The following KCTD9 variants were observed in gnomAD, a reference collection of about 807,000 sequenced individuals.
KCTD9 encodes the protein BTB/POZ domain-containing protein KCTD9.
Under a neutral mutation model 53.3 loss-of-function variants are expected in KCTD9, and 17 were observed. The observed-to-expected ratio is 0.32, with a 90% CI of 0.22 to 0.48. The LOEUF (loss-of-function observed/expected upper bound fraction) is 0.48, where lower values mean the gene tolerates loss of function less well. KCTD9 is among the 20% of genes least tolerant of loss of function. The pLI is 0.99. For missense variants in KCTD9, 179 were observed against 465.5 expected (o/e 0.38, Z 5.66); for synonymous variants, 128 against 162.7 (o/e 0.79, Z 1.62).
intron 4 of KCTD9, among the ~76,000 whole-genome samples, chr8:25,440,180 T>C (rs796397651): frequency 1.4e-4 from 21 of 149,870 alleles, no homozygotes; most frequent in African/African-American, 4.9e-4. Flanking sequence ...TGCCTCAGCC[T>C]CCCAAGTAGC....
In KCTD9 at chr8:25,427,896, T is replaced by C. The variant is rs191310765; in HGVS notation, c.*1961A>G. ...TGGTACTTTCAAAAAGACTAATCCA[T>C]AACAAATTAAGTTATACTGTATTTC... On this transcript the variant is annotated 3_prime_UTR_variant, in exon 12 of 12. Coordinates refer to ENST00000221200, the MANE Select transcript of KCTD9 (RefSeq NM_017634.4). 8.5e-5 allele frequency: 13 copies of C among 152,308 alleles called. No individual in the cohort carries two copies. In the East Asian group the frequency reaches 2.5e-3, roughly 29 times the overall value. The allele number at this position is 152,308 out of a possible 1,614,324, so 9.4% of individuals were successfully genotyped here. A position where few individuals can be genotyped will look rare whatever the true frequency, so the allele number is the denominator to read the frequency against.
chr8:25,430,981 C>T (rs1801917933), intron 11 of KCTD9, among the ~76,000 whole-genome samples: 1 of 152,074 alleles, frequency 6.6e-6, no homozygotes, highest in Non-Finnish European at 1.5e-5. Flanking sequence ...AGGCACTCAC[C>T]ACCACGCCTG....
chr8:25,437,235 G>A (rs1427729839), intron 6 of KCTD9, among the ~76,000 whole-genome samples: 3 of 152,216 alleles, frequency 2.0e-5, no homozygotes, highest in Middle Eastern at 3.4e-3. Context: ...ATCCCTGGTG[G>A]AAACTCAACA....
intron 10 of KCTD9, 39 bp downstream of exon 10, chr8:25,433,291 C>A: frequency 8.5e-7 from 1 of 1,172,168 alleles, no homozygotes. Flanking sequence ...TTACAGTCTG[C>A]TTCCTTCGTA....
At chr8:25,457,047 A>G (rs564545243) in intron 1 of KCTD9, among the ~76,000 whole-genome samples, 1 of 152,330 alleles carries the variant, frequency 6.6e-6, no homozygotes, top group African/African-American at 2.4e-5. Context: ...ATGATAACTC[A>G]AGAACTCGAA....
intron 1 of KCTD9, among the ~76,000 whole-genome samples, chr8:25,452,014 T>A (rs931764585): frequency 6.6e-6 from 1 of 152,190 alleles, no homozygotes; most frequent in African/African-American, 2.4e-5. Flanking sequence ...AAAGTTGTTA[T>A]GATAAATACA....
intron 1 of KCTD9, among the ~76,000 whole-genome samples, chr8:25,454,866 C>T (rs1181453734): frequency 1.3e-5 from 2 of 152,228 alleles, no homozygotes; most frequent in African/African-American, 2.4e-5. Context: ...GAATTAGCCA[C>T]TAAGAATCTC....
chr8:25,453,589 G>A (rs560597662), intron 1 of KCTD9, among the ~76,000 whole-genome samples: 61 of 150,936 alleles, frequency 4.0e-4, no homozygotes, highest in Non-Finnish European at 5.7e-4. Flanking sequence ...GGAGGCGGAG[G>A]TTGTATTGAG....
intron 3 of KCTD9, among the ~76,000 whole-genome samples, chr8:25,443,992 A>G (rs1450971282): frequency 1.3e-5 from 2 of 152,148 alleles, no homozygotes; most frequent in Admixed American, 6.5e-5. Flanking sequence ...CAAAGAAAAA[A>G]TTTTCAAACA....
chr8:25,442,754 A>C (rs1802146157), intron 3 of KCTD9, among the ~76,000 whole-genome samples: 1 of 152,212 alleles, frequency 6.6e-6, no homozygotes. Flanking sequence ...GAAACAATAC[A>C]ATTATTTTTA....
chr8:25,450,372 T>A, intron 1 of KCTD9: 1 of 985,306 alleles, frequency 1.0e-6, no homozygotes, highest in Non-Finnish European at 1.2e-6. Context: ...GTTCAAATGG[T>A]ACATTACCTG....
At chr8:25,448,783 C>T (rs796292849) in intron 1 of KCTD9, among the ~76,000 whole-genome samples, 115 of 152,052 alleles carry the variant, frequency 7.6e-4, no homozygotes, top group African/African-American at 2.4e-3. Context: ...GGCGTGGTGG[C>T]GTGTGCCTGT....
intron 6 of KCTD9, among the ~76,000 whole-genome samples, chr8:25,437,470 T>A (rs1032144621): frequency 2.2e-4 from 34 of 151,698 alleles, no homozygotes; most frequent in Admixed American, 8.5e-4. Context: ...AGGTCAGGAG[T>A]TCGAGACCAG....
chr8:25,435,906 G>A (rs1325302643), intron 8 of KCTD9, among the ~76,000 whole-genome samples: 2 of 152,112 alleles, frequency 1.3e-5, no homozygotes, highest in African/African-American at 4.8e-5. Context: ...AATTTGAAAT[G>A]CTATAGTACA....
intron 6 of KCTD9, among the ~76,000 whole-genome samples, chr8:25,439,052 A>G (rs181937314): frequency 6.6e-6 from 1 of 152,338 alleles, no homozygotes; most frequent in Non-Finnish European, 1.5e-5. Context: ...ATATTTAGCT[A>G]TATGTACAAA....
At chr8:25,433,271 C>CT (rs3215162) in intron 10 of KCTD9, 59 bp downstream of exon 10, 1 of 928,756 alleles carries the variant, frequency 1.1e-6, no homozygotes, top group Non-Finnish European at 1.7e-6. Context: ...TTTTCCAGGG[C>CT]TTTTTTCCTT....
Position 25,429,316 on chromosome 8 carries a change from T to G in KCTD9, c.*541A>C, listed in dbSNP as rs541961738. 1.3e-5 allele frequency: 2 copies of G among 153,198 alleles called. No individual in the cohort carries two copies. Among genetic ancestry groups the G allele is most frequent in the South Asian group, 4.1e-4 (2 of 4,844 alleles). 9.5% of individuals were successfully genotyped at this position (153,198 alleles called of 1,614,324 possible). A position where few individuals can be genotyped will look rare whatever the true frequency, so the allele number is the denominator to read the frequency against. On this transcript the variant is annotated 3_prime_UTR_variant, in exon 12 of 12. Transcript: ENST00000221200. ...AACCTGAAAAGAGTCTTAGGGAGTC[T>G]GATCTCACCATATTCATACGGTGTG... is the stretch of plus-strand genomic sequence containing the variant.
At chr8:25,437,468 A>C (rs1338670444) in intron 6 of KCTD9, among the ~76,000 whole-genome samples, 1 of 152,120 alleles carries the variant, frequency 6.6e-6, no homozygotes, top group Non-Finnish European at 1.5e-5. Flanking sequence ...TGAGGTCAGG[A>C]GTTCGAGACC....
intron 11 of KCTD9, 71 bp downstream of exon 11, chr8:25,432,433 T>C: frequency 7.2e-7 from 1 of 1,389,032 alleles, no homozygotes; most frequent in Non-Finnish European, 1.0e-6. Flanking sequence ...TGTTTTGATT[T>C]CAATAAATTT....
Sources: gnomAD v4.1 joint callset for allele counts (sites outside exome capture counted in the v4.1 genomes callset) on GRCh38, gnomAD v4.1.1 for gene constraint, MANE v1.5 for transcripts, NCBI Gene and HGNC (gene_info 2026-07-23, HGNC 2026-07-21) for gene names.